The following MEF2C variants were observed in gnomAD, a reference collection of about 807,000 sequenced individuals.
MEF2C encodes the protein myocyte-specific enhancer factor 2C.
In MEF2C, 6 loss-of-function variants were observed where a neutral mutation model predicts 50.5. That is an observed-to-expected ratio of 0.12 (90% CI 0.07 to 0.23). MEF2C has a LOEUF of 0.23. Ranked by LOEUF, MEF2C falls within the 10% of genes least tolerant of loss-of-function variation. The probability of loss-of-function intolerance (pLI) is 1.00; values close to 1 mark genes in which losing one functional copy is unlikely to be tolerated. For synonymous variants in MEF2C, 183 were observed against 228.0 expected (o/e 0.80, Z 1.78); for missense variants, 276 against 605.0 (o/e 0.46, Z 5.70).
At chr5:88,737,111 C>T in intron 6 of MEF2C, 1 of 985,020 alleles carries the variant, frequency 1.0e-6, no homozygotes, top group Non-Finnish European at 1.2e-6. Flanking sequence ...AGGAAAGGCA[C>T]TAAAAGGTAA....
At chr5:88,792,003 T>G (rs547765350) in intron 3 of MEF2C, among the ~76,000 whole-genome samples, 72 of 152,192 alleles carry the variant, frequency 4.7e-4, no homozygotes, top group Non-Finnish European at 8.1e-4. Flanking sequence ...AGGGTAGACT[T>G]ACTTAGTCAC....
intron 2 of MEF2C, among the ~76,000 whole-genome samples, chr5:88,809,034 G>A (rs972352673): frequency 1.3e-5 from 2 of 152,046 alleles, no homozygotes; most frequent in African/African-American, 4.8e-5. Flanking sequence ...GAGACTTAAT[G>A]TGTGATATAG....
rs1422747916 is a variant in MEF2C, at chr5:88,731,846, G to A, written c.693C>T (p.Asn231=). The part of the protein sequence containing the change: ...NSPGLLVSPG[N]LNKNMQAKSP... ...ATTTTGCTTGCATATTCTTGTTCAA[G>A]TTACCAGGTGAGACCAGCAGACCTG... Residue 231 remains asparagine, a synonymous_variant, in exon 7 of 11, where the codon AAC becomes AAT. Transcript: ENST00000504921. 1 of 1,613,242 alleles carries A rather than the reference G, an allele frequency of 6.2e-7. No homozygotes were observed. Among genetic ancestry groups the A allele is most frequent in the Non-Finnish European group, 8.5e-7 (1 of 1,179,482 alleles).
At chr5:88,897,337 C>G (rs774908678) in intron 1 of MEF2C, among the ~76,000 whole-genome samples, 7 of 152,294 alleles carry the variant, frequency 4.6e-5, no homozygotes, top group Middle Eastern at 6.8e-3. Flanking sequence ...GTGTAGCCTA[C>G]GGCCGCAAAA....
At chr5:88,751,518 A>C (rs1772732803) in intron 5 of MEF2C, 1 of 985,430 alleles carries the variant, frequency 1.0e-6, no homozygotes, top group Non-Finnish European at 1.2e-6. Flanking sequence ...CAGGAGGAAG[A>C]GGGAAAATGG....
chr5:88,846,070 CTTT>C (rs869122348), intron 1 of MEF2C, among the ~76,000 whole-genome samples: 1 of 140,030 alleles, frequency 7.1e-6, no homozygotes, highest in Non-Finnish European at 1.6e-5. Flanking sequence ...TACTTCAAGT[CTTT>C]TTTTTTTTTT....
intron 6 of MEF2C, chr5:88,739,818 TG>T: frequency 1.0e-6 from 1 of 985,318 alleles, no homozygotes; most frequent in African/African-American, 1.7e-5. Flanking sequence ...GTCAGAAATC[TG>T]GGTATGATGA....
At chr5:88,725,877 G>A (rs1177340374) in intron 10 of MEF2C, among the ~76,000 whole-genome samples, 1 of 152,064 alleles carries the variant, frequency 6.6e-6, no homozygotes, top group Non-Finnish European at 1.5e-5. Context: ...CCAGAAAACA[G>A]GCTGCCCTTT....
At chr5:88,730,639 T>A (rs1761049552) in intron 7 of MEF2C, among the ~76,000 whole-genome samples, 1 of 152,186 alleles carries the variant, frequency 6.6e-6, no homozygotes, top group African/African-American at 2.4e-5. Context: ...AATAAATCTG[T>A]TGATAGAGAT....
chr5:88,734,499 GAT>G (rs1763019081), intron 6 of MEF2C: 1 of 979,966 alleles, frequency 1.0e-6, no homozygotes, highest in African/African-American at 1.8e-5. Flanking sequence ...GTTGTCCTGT[GAT>G]ATGACAAGCA....
intron 1 of MEF2C, among the ~76,000 whole-genome samples, chr5:88,876,352 C>T (rs987400288): frequency 3.3e-5 from 5 of 151,808 alleles, no homozygotes; most frequent in Admixed American, 2.0e-4. Context: ...CCTTGTGTGA[C>T]GATAATTTCT....
At chr5:88,888,721 T>TG (rs70999405) in intron 1 of MEF2C, among the ~76,000 whole-genome samples, 2 of 44,570 alleles carry the variant, frequency 4.5e-5, no homozygotes, top group Non-Finnish European at 9.5e-5. Context: ...TATGGTAAGG[T>TG]TTTTTTTTTT....
chr5:88,735,776 T>A, intron 6 of MEF2C: 1 of 985,434 alleles, frequency 1.0e-6, no homozygotes, highest in Non-Finnish European at 1.2e-6. Context: ...AGTCGTAAAT[T>A]CAAAGAACAT....
intron 3 of MEF2C, among the ~76,000 whole-genome samples, chr5:88,765,497 TTC>T (rs1211014745): frequency 6.6e-6 from 1 of 152,242 alleles, no homozygotes; most frequent in Non-Finnish European, 1.5e-5. Context: ...ACAAAAGAAT[TTC>T]TGTTAGATTC....
chr5:88,734,831 C>T, intron 6 of MEF2C: 1 of 975,882 alleles, frequency 1.0e-6, no homozygotes, highest in Non-Finnish European at 1.2e-6. Context: ...AGATTAGTCA[C>T]ATATTTTAAG....
chr5:88,854,924 C>T lies in MEF2C; in HGVS notation c.-143+28031G>A, dbSNP rs574280403. Among the ~76,000 whole-genome samples, 7 of 152,198 alleles carry T rather than the reference C, an allele frequency of 4.6e-5. No homozygotes were observed. In the East Asian group the frequency reaches 5.8e-4, roughly 13 times the overall value. On this transcript the variant is annotated intron_variant, in intron 1 of 10. Transcript: ENST00000504921. ...TAGAGCCTTTAGGGTCTTGTGCTTC[C>T]GAGAACTGAGATTCATTCTAATTTT...
intron 1 of MEF2C, chr5:88,843,290 G>T: frequency 1.1e-6 from 1 of 950,528 alleles, no homozygotes; most frequent in Non-Finnish European, 1.2e-6. Context: ...ATCCATGTGA[G>T]ATGGATAGAC....
At chr5:88,794,063 G>T (rs1203280232) in intron 3 of MEF2C, among the ~76,000 whole-genome samples, 2 of 152,148 alleles carry the variant, frequency 1.3e-5, no homozygotes, top group African/African-American at 4.8e-5. Context: ...ATTTGGGTTG[G>T]TTCCAAGTCT....
At position 88,783,177 on chromosome 5, in the gene MEF2C, G is replaced by A. The variant is rs570141827; in HGVS notation, c.258+21421C>T. On this transcript the variant is annotated intron_variant, in intron 3 of 10. Transcript: ENST00000504921. ...ATTGCTTGATGACATGGTATCAGGA[G>A]CGGCACTGCCATCATGGTCGTCGTT... 1.2e-3 allele frequency among the ~76,000 whole-genome samples: 178 copies of A among 152,238 alleles called. 3 individuals carry two copies. The highest frequency in any genetic ancestry group is 4.6e-4 in the Non-Finnish European group (31 of 68,030).
Sources: allele counts gnomAD v4.1 joint callset (sites outside exome capture counted in the v4.1 genomes callset), GRCh38; gene constraint gnomAD v4.1.1; transcripts MANE v1.5; gene names NCBI Gene and HGNC (gene_info 2026-07-23, HGNC 2026-07-21).